The following INPP5B variants were observed in gnomAD, a reference collection of about 807,000 sequenced individuals.
INPP5B encodes inositol polyphosphate-5-phosphatase B, also known as type II inositol 1,4,5-trisphosphate 5-phosphatase.
In INPP5B, 90 loss-of-function variants were observed where a neutral mutation model predicts 118.5. That is an observed-to-expected ratio of 0.76 (90% CI 0.64 to 0.90). The LOEUF (loss-of-function observed/expected upper bound fraction) is 0.90, where lower values mean the gene tolerates loss of function less well. Ranked by LOEUF, INPP5B falls within the 40% of genes least tolerant of loss-of-function variation. The pLI is 0.00. For missense variants in INPP5B, 984 were observed against 1,125.6 expected (o/e 0.87, Z 1.80); for synonymous variants, 385 against 418.9 (o/e 0.92, Z 0.99).
chr1:37,888,744 T>C (rs1207016122), intron 9 of INPP5B, among the ~76,000 whole-genome samples: 1 of 152,230 alleles, frequency 6.6e-6, no homozygotes, highest in Non-Finnish European at 1.5e-5. Context: ...TCACAGTTTG[T>C]ATCCCTAGAA....
intron 7 of INPP5B, among the ~76,000 whole-genome samples, chr1:37,898,544 A>G (rs1263810622): frequency 6.6e-6 from 1 of 152,046 alleles, no homozygotes; most frequent in Non-Finnish European, 1.5e-5. Context: ...AAATACAAAT[A>G]TTTAGCCGGG....
chr1:37,920,606 A>G (rs1352258845), intron 7 of INPP5B, among the ~76,000 whole-genome samples: 1 of 151,802 alleles, frequency 6.6e-6, no homozygotes, highest in African/African-American at 2.4e-5. Flanking sequence ...CGGAGGTTGC[A>G]GTGAGCCGAG....
chr1:37,903,797 GA>G (rs1644412684), intron 7 of INPP5B, among the ~76,000 whole-genome samples: 1 of 152,114 alleles, frequency 6.6e-6, no homozygotes. Flanking sequence ...GGCTGAAGCA[GA>G]AGAATTGCTT....
At chr1:37,912,037 C>T (rs188852528) in intron 7 of INPP5B, among the ~76,000 whole-genome samples, 65 of 152,310 alleles carry the variant, frequency 4.3e-4, no homozygotes, top group Non-Finnish European at 6.9e-4. Flanking sequence ...GCCCTGACCT[C>T]GTCCCAGACA....
In INPP5B at chr1:37,943,854, C is replaced by T. The variant is rs545944517; in HGVS notation, c.192G>A (p.Gly64=). Residue 64 remains glycine, a synonymous_variant, in exon 4 of 24, where the codon GGG becomes GGA. Coordinates refer to ENST00000373024, the MANE Select transcript of INPP5B (RefSeq NM_005540.3). The part of the protein sequence containing the change: ...LYTHRRMAIT[G]DDVSLDQIVP... ...CTATCTGGTCCAGAGAGACATCGTC[C>T]CCGGTAATGGCCATCCTCCGGTGCG... The T allele has an allele frequency of 1.9e-6, 3 of 1,614,106 alleles. No individual in the cohort carries two copies. Among genetic ancestry groups the T allele is most frequent in the Admixed American group, 1.7e-5 (1 of 60,016 alleles).
chr1:37,900,074 T>A (rs1303471594), intron 7 of INPP5B, among the ~76,000 whole-genome samples: 16 of 83,574 alleles, frequency 1.9e-4, no homozygotes, highest in Admixed American at 1.1e-3. Flanking sequence ...TTACCTTGAA[T>A]TTTTTTTTTT....
intron 6 of INPP5B, among the ~76,000 whole-genome samples, chr1:37,939,091 G>A (rs1188079424): frequency 6.6e-6 from 1 of 151,894 alleles, no homozygotes; most frequent in Non-Finnish European, 1.5e-5. Flanking sequence ...CTACTCGGGA[G>A]GCTGAAGCAG....
rs2148489236 is a variant in INPP5B, at chr1:37,880,212, A to AG, written c.1432-19dup. The AG allele has an allele frequency of 1.3e-6, 2 of 1,572,002 alleles. No homozygotes were observed. Among genetic ancestry groups the AG allele is most frequent in the East Asian group, 4.5e-5 (2 of 44,506 alleles). The stretch of plus-strand genomic sequence containing the variant: ...ATTTTCAGCTATACAAAAGGATGGG[A>AG]GAAAAAAAAATATCAGAATAAAAAG... On this transcript the variant is annotated intron_variant, in intron 14 of 23. Coordinates refer to ENST00000373024, the MANE Select transcript of INPP5B (RefSeq NM_005540.3).
At chr1:37,936,765 A>G (rs1171334855) in intron 6 of INPP5B, among the ~76,000 whole-genome samples, 1 of 147,180 alleles carries the variant, frequency 6.8e-6, no homozygotes, top group Admixed American at 6.9e-5. Flanking sequence ...CTCTGTCACT[A>G]TATGTTGGCC....
intron 13 of INPP5B, chr1:37,885,414 GA>G (rs999406770): frequency 0.056 from 19,609 of 348,730 alleles, no homozygotes; most frequent in South Asian, 0.083. Flanking sequence ...ACTCCATCTC[GA>G]AAAAAAAAAA....
chr1:37,926,218 A>G (rs1645222322), intron 7 of INPP5B, among the ~76,000 whole-genome samples: 1 of 152,086 alleles, frequency 6.6e-6, no homozygotes, highest in African/African-American at 2.4e-5. Context: ...AGACTTTAAT[A>G]CTTTGTTTCC....
At chr1:37,937,768 AAAAATAAAAT>A (rs553688886) in intron 6 of INPP5B, among the ~76,000 whole-genome samples, 2 of 151,622 alleles carry the variant, frequency 1.3e-5, no homozygotes, top group African/African-American at 4.9e-5. Context: ...CTTTGTCTCA[AAAAATAAAAT>A]AAAATAAAAT....
intron 14 of INPP5B, among the ~76,000 whole-genome samples, chr1:37,880,582 C>T (rs563289600): frequency 3.7e-4 from 56 of 151,856 alleles, no homozygotes; most frequent in Non-Finnish European, 4.3e-4. Context: ...GGATTACAGG[C>T]GCATGCCACC....
chr1:37,933,565 C>T (rs905658743), intron 6 of INPP5B, among the ~76,000 whole-genome samples: 1 of 147,852 alleles, frequency 6.8e-6, no homozygotes, highest in African/African-American at 2.5e-5. Context: ...AAAGAAAATA[C>T]AAAAATTAGC....
chr1:37,873,507 C>T, intron 18 of INPP5B: 1 of 355,738 alleles, frequency 2.8e-6, no homozygotes, highest in South Asian at 2.7e-5. Flanking sequence ...AGATGACTGA[C>T]TCAGTAGAAG....
intron 6 of INPP5B, among the ~76,000 whole-genome samples, chr1:37,938,655 T>C (rs1455529950): frequency 2.0e-5 from 3 of 152,236 alleles, no homozygotes; most frequent in African/African-American, 4.8e-5. Flanking sequence ...CCAGGCTCTT[T>C]GGTGTTATTT....
Position 37,880,142 on chromosome 1 carries a change from T to C in INPP5B, c.1484A>G (p.Glu495Gly), listed in dbSNP as rs1643104727. The C allele has an allele frequency of 6.2e-7, 1 of 1,612,092 alleles. No homozygotes were observed. The highest frequency in any genetic ancestry group is 1.7e-5 in the Admixed American group (1 of 59,958). ...CTTGTAAGTAGGCTGGAATGTGAGC[T>C]CACCCTCTGTGAAGCCTTCAAAGAC... ...KTVFEGFTEG[E>G]LTFQPTYKYD... Residue 495 changes from glutamate (E) to glycine (G), a missense_variant, in exon 15 of 24, where the codon GAG becomes GGG. Around this residue, in one of 2 missense-constraint regions of INPP5B, gnomAD observed 634 missense variants for 791.0 expected, o/e 0.80. Coordinates refer to ENST00000373024, the MANE Select transcript of INPP5B (RefSeq NM_005540.3).
chr1:37,926,343 G>C (rs899618249), intron 7 of INPP5B, among the ~76,000 whole-genome samples: 3 of 150,826 alleles, frequency 2.0e-5, no homozygotes, highest in African/African-American at 7.3e-5. Context: ...AGGCTGGCAT[G>C]CAGTGGCGTG....
chr1:37,925,674 T>G (rs1223955673), intron 7 of INPP5B, among the ~76,000 whole-genome samples: 2 of 150,832 alleles, frequency 1.3e-5, no homozygotes, highest in Non-Finnish European at 2.9e-5. Flanking sequence ...GATTTTTCTG[T>G]TCAAAGCTCC....
Sources: allele counts gnomAD v4.1 joint callset (sites outside exome capture counted in the v4.1 genomes callset), GRCh38; gene constraint gnomAD v4.1.1; regional missense constraint gnomAD v4.1.1; transcripts MANE v1.5; gene names NCBI Gene and HGNC (gene_info 2026-07-23, HGNC 2026-07-21).